VRK2: variants seen among roughly 807,000 people sequenced by gnomAD.
VRK2 encodes the protein serine/threonine-protein kinase VRK2.
In VRK2, 60 loss-of-function variants were observed where a neutral mutation model predicts 57.6. The ratio of observed to expected loss-of-function variants is 1.04; its 90% CI spans 0.85 to 1.29. The LOEUF is 1.29. Among genes scored for constraint, VRK2 ranks in the 50% most tolerant of loss-of-function variants. VRK2 has a pLI of 0.00. For missense variants in VRK2, 705 were observed against 588.1 expected (o/e 1.20, Z -2.06); for synonymous variants, 231 against 199.2 (o/e 1.16, Z -1.35).
chr2:58,041,068 A>G, intron 3 of VRK2: 1 of 985,218 alleles, frequency 1.0e-6, no homozygotes, highest in Non-Finnish European at 1.2e-6. Flanking sequence ...AGGGATGTTA[A>G]CTGGGGGGGA....
rs954102933 is a variant in VRK2 at position 58,049,316 on chromosome 2, G to T, written c.136+349G>T. 3.9e-5 allele frequency among the ~76,000 whole-genome samples: 6 copies of T among 152,162 alleles called. No individual in the cohort carries two copies. The East Asian group carries it at 1.2e-3, about 29-fold the overall frequency. On this transcript the variant is annotated intron_variant, in intron 2 of 12. Transcript: ENST00000340157. ...AACTGTATAGATAAAAACACTTTCT[G>T]TTTGTGAATCTTAATCAATATTTAG... is the stretch of plus-strand genomic sequence containing the variant.
chr2:58,012,366 T>C (rs1419926554), intron 1 of VRK2, among the ~76,000 whole-genome samples: 1 of 152,222 alleles, frequency 6.6e-6, no homozygotes, highest in Non-Finnish European at 1.5e-5. Flanking sequence ...AACCCTCTCT[T>C]GGGGTCTGGA....
intron 1 of VRK2, among the ~76,000 whole-genome samples, chr2:57,980,848 C>T (rs759554603): frequency 6.6e-6 from 1 of 151,964 alleles, no homozygotes; most frequent in Non-Finnish European, 1.5e-5. Flanking sequence ...ATAAGAATAG[C>T]AACGCTTGCT....
intron 1 of VRK2, among the ~76,000 whole-genome samples, chr2:57,951,115 A>T (rs1277575694): frequency 6.6e-6 from 1 of 152,088 alleles, no homozygotes; most frequent in Non-Finnish European, 1.5e-5. Flanking sequence ...AAATAAATAA[A>T]CATTGGTGAT....
chr2:58,054,752 T>C (rs749793322), intron 2 of VRK2, among the ~76,000 whole-genome samples: 1 of 152,224 alleles, frequency 6.6e-6, no homozygotes, highest in Non-Finnish European at 1.5e-5. Flanking sequence ...ATGGTTTTTA[T>C]ACTACTTAGA....
At chr2:58,134,707 G>C (rs1679750253) in intron 9 of VRK2, among the ~76,000 whole-genome samples, 2 of 151,406 alleles carry the variant, frequency 1.3e-5, no homozygotes, top group South Asian at 4.2e-4. Context: ...CTTTTGTCCA[G>C]TCACATTCCT....
chr2:57,925,386 G>C (rs1302008258), intron 1 of VRK2, among the ~76,000 whole-genome samples: 2 of 151,944 alleles, frequency 1.3e-5, no homozygotes. Context: ...ACTTGTTCTT[G>C]GTCTGTTCAG....
At chr2:57,914,504 G>T (rs1354314989) in intron 1 of VRK2, among the ~76,000 whole-genome samples, 4 of 151,944 alleles carry the variant, frequency 2.6e-5, no homozygotes, top group Non-Finnish European at 5.9e-5. Flanking sequence ...AATTATAGAT[G>T]ACGACCTCTG....
At chr2:58,027,571 T>C (rs758988390) in intron 2 of VRK2, among the ~76,000 whole-genome samples, 3 of 152,062 alleles carry the variant, frequency 2.0e-5, no homozygotes, top group Non-Finnish European at 4.4e-5. Flanking sequence ...GCTTGGTGGA[T>C]TGGTGGAAAG....
chr2:58,046,998 C>G, intron 1 of VRK2, 130 bp downstream of exon 1: 4 of 983,378 alleles, frequency 4.1e-6, no homozygotes, highest in Non-Finnish European at 4.8e-6. Context: ...TCCCAGCCCC[C>G]GGGCCTCAGC....
chr2:57,913,743 C>T (rs1054934613), intron 1 of VRK2, among the ~76,000 whole-genome samples: 4 of 152,024 alleles, frequency 2.6e-5, no homozygotes, highest in African/African-American at 9.7e-5. Flanking sequence ...TGTTTTAATA[C>T]TGCAGAGACA....
intron 2 of VRK2, among the ~76,000 whole-genome samples, chr2:58,076,079 T>G (rs1237275602): frequency 6.6e-6 from 1 of 151,594 alleles, no homozygotes; most frequent in African/African-American, 2.4e-5. Flanking sequence ...CTTTACTTTT[T>G]AAGAGCCTTC....
upstream of VRK2, among the ~76,000 whole-genome samples, chr2:58,042,165 T>C (rs946650396): frequency 1.3e-5 from 2 of 152,182 alleles, no homozygotes; most frequent in Non-Finnish European, 2.9e-5. Context: ...GATATGACAT[T>C]TTAAATTATT....
intron 2 of VRK2, among the ~76,000 whole-genome samples, chr2:58,056,699 T>C (rs1676576070): frequency 6.6e-6 from 1 of 152,174 alleles, no homozygotes. Flanking sequence ...GGTTAATTGG[T>C]ACACTGGTAG....
intron 1 of VRK2, among the ~76,000 whole-genome samples, chr2:58,019,333 T>C (rs1047779472): frequency 1.3e-5 from 2 of 152,178 alleles, no homozygotes; most frequent in Non-Finnish European, 2.9e-5. Flanking sequence ...CGCTTTTTTT[T>C]AGGAAATTCA....
chr2:57,943,434 G>A (rs1671160966), intron 1 of VRK2, among the ~76,000 whole-genome samples: 1 of 152,186 alleles, frequency 6.6e-6, no homozygotes, highest in South Asian at 2.1e-4. Flanking sequence ...ATCAGGGAAT[G>A]GAATGTCTTG....
Position 58,086,420 on chromosome 2 carries a change from G to C in VRK2, c.338G>C (p.Gly113Ala). 6.3e-7 allele frequency: 1 copy of C among 1,587,210 alleles called. No homozygotes were observed. The highest frequency in any genetic ancestry group is 8.5e-7 in the Non-Finnish European group (1 of 1,170,980). Reference sequence around the variant, plus strand: ...GGATCTGGTCTGACTGAATTCAAGGGAAGAAGGTAAAATGGAATTATTATA... The same window carrying C: ...GGATCTGGTCTGACTGAATTCAAGGCAAGAAGGTAAAATGGAATTATTATA... ...FYGSGLTEFK[G>A]RSYRFMVMER... The change falls in exon 5 of 13, where the codon GGA becomes GCA. Residue 113 changes from glycine to alanine, a missense_variant. Gly to Ala is a moderately conservative substitution (Grantham distance 60). Coordinates refer to ENST00000340157, the MANE Select transcript of VRK2 (RefSeq NM_006296.7).
At chr2:58,017,677 T>C (rs1055034748) in intron 1 of VRK2, among the ~76,000 whole-genome samples, 2 of 152,218 alleles carry the variant, frequency 1.3e-5, no homozygotes, top group Non-Finnish European at 2.9e-5. Flanking sequence ...ATTTTTCTTT[T>C]TTATGGGAGA....
At chr2:58,052,204 G>C (rs938863212) in intron 2 of VRK2, among the ~76,000 whole-genome samples, 4 of 152,126 alleles carry the variant, frequency 2.6e-5, no homozygotes, top group African/African-American at 9.7e-5. Context: ...CTGCATAATT[G>C]TGATAATAAT....
Sources: gnomAD v4.1 joint callset for allele counts (sites outside exome capture counted in the v4.1 genomes callset) on GRCh38, gnomAD v4.1.1 for gene constraint, MANE v1.5 for transcripts, NCBI Gene and HGNC (gene_info 2026-07-23, HGNC 2026-07-21) for gene names.